The following PRPH variants were observed in gnomAD, a reference collection of about 807,000 sequenced individuals.
PRPH encodes peripherin.
In PRPH, 48 loss-of-function variants were observed where a neutral mutation model predicts 52.6. That is an observed-to-expected ratio of 0.91 (90% CI 0.72 to 1.16). The LOEUF (loss-of-function observed/expected upper bound fraction) is 1.16. PRPH is among the 50% of genes most tolerant of loss of function. The pLI, the probability that PRPH is intolerant of heterozygous loss-of-function variation, is 0.00. For synonymous variants in PRPH, 279 were observed against 283.8 expected (o/e 0.98, Z 0.17); for missense variants, 579 against 635.7 (o/e 0.91, Z 0.96).
In PRPH at chr12:49,297,116, C is replaced by A. The variant is rs1432587387; in HGVS notation, c.871-32C>A. 1 of 1,613,788 alleles carries A rather than the reference C, an allele frequency of 6.2e-7. No individual in the cohort carries two copies. The highest frequency in any genetic ancestry group is 1.3e-5 in the African/African-American group (1 of 74,904). ...CTGGGGTGGTGTCGCGCGTCCCAGC[C>A]GACTAAAGCCTGGGTTACCCCCACT... On this transcript the variant is annotated intron_variant, in intron 4 of 8. Transcript: ENST00000257860. The surrounding 1 kb of genome is among the most constrained non-coding windows in gnomAD (Gnocchi z 4.4).
At position 49,297,309 on chromosome 12, in the gene PRPH, G is replaced by T; in HGVS notation, c.996+36G>T. 2.5e-6 allele frequency: 4 copies of T among 1,613,748 alleles called. No individual in the cohort carries two copies. The highest frequency in any genetic ancestry group is 3.4e-6 in the Non-Finnish European group (4 of 1,179,976). ...AGCTGCGCGCTCGGGCCCGGGGAGCGGACGATGAAATGTTCTGCAACTGGC... is the reference window on the plus strand; with the variant it reads ...AGCTGCGCGCTCGGGCCCGGGGAGCTGACGATGAAATGTTCTGCAACTGGC... On this transcript the variant is annotated intron_variant, in intron 5 of 8. Coordinates refer to ENST00000257860, the MANE Select transcript of PRPH (RefSeq NM_006262.4). This position sits in a 1 kb window ranked among gnomAD's most constrained non-coding sequence, Gnocchi z 4.4.
chr12:49,296,770 T>G lies in PRPH; in HGVS notation c.703-119T>G. The G allele has an allele frequency of 1.4e-6, 2 of 1,435,402 alleles. No individual in the cohort carries two copies. The highest frequency in any genetic ancestry group is 1.9e-6 in the Non-Finnish European group (2 of 1,059,700). 88.9% of individuals were successfully genotyped at this position (1,435,402 alleles called of 1,614,324 possible). ...CGCGGGGGCGCAGGGCTGTACGCCC[T>G]GCCCTCCCTGGCGCCCACTTCTGTT... On this transcript the variant is annotated intron_variant, in intron 3 of 8. Transcript: ENST00000257860. This position sits in a 1 kb window ranked among gnomAD's most constrained non-coding sequence, Gnocchi z 5.1.
rs906212871 is a variant in PRPH at position 49,295,684 on chromosome 12, C to T, written c.484C>T (p.Arg162Cys). 3 of 1,533,404 alleles carry T rather than the reference C, an allele frequency of 2.0e-6. No individual in the cohort carries two copies. 95.0% of individuals were successfully genotyped at this position (1,533,404 alleles called of 1,614,324 possible). Residue 162 changes from arginine to cysteine, a missense_variant, in exon 1 of 9, where the codon CGT becomes TGT. Arg to Cys is a radical substitution (Grantham distance 180). Transcript: ENST00000257860. ...AGAGCTGGAGCTGTTGGGCCGCGAG[C>T]GTGACCGGGTGCAGGTGGAGCGCGA... ...RRELELLGRE[R>C]DRVQVERDGL...
chr12:49,296,052 C>A lies in PRPH; in HGVS notation c.546-126C>A. 1 of 1,325,196 alleles carries A rather than the reference C, an allele frequency of 7.5e-7. No individual in the cohort carries two copies. The highest frequency in any genetic ancestry group is 1.0e-6 in the Non-Finnish European group (1 of 954,804). 82.1% of individuals were successfully genotyped at this position (1,325,196 alleles called of 1,614,324 possible). Reference sequence around the variant, plus strand: ...ATGCGGGGCAATTCCATTAGACAGCCTCAGCCCTCCATTTAGAGTCCTGGG... The same window carrying A: ...ATGCGGGGCAATTCCATTAGACAGCATCAGCCCTCCATTTAGAGTCCTGGG... On this transcript the variant is annotated intron_variant, in intron 1 of 8. Coordinates refer to ENST00000257860, the MANE Select transcript of PRPH (RefSeq NM_006262.4). The surrounding 1 kb of genome is among the most constrained non-coding windows in gnomAD (Gnocchi z 5.1).
Position 49,297,966 on chromosome 12 carries a change from G to T in PRPH, c.1276G>T (p.Val426Leu), listed in dbSNP as rs1487220220. The change falls in exon 8 of 9, where the codon GTG (valine) becomes TTG (leucine). Residue 426 changes from valine (V) to leucine (L), a missense_variant. Val to Leu is a conservative substitution (Grantham distance 32, BLOSUM62 1). Transcript: ENST00000257860. This position sits in a 1 kb window ranked among gnomAD's most constrained non-coding sequence, Gnocchi z 4.4. ...TATCCTGCTTTCTTCAGTGCCTGAGGTGGAGCCTCCCCAGGACAGCCACAG... is the reference window on the plus strand; with the variant it reads ...TATCCTGCTTTCTTCAGTGCCTGAGTTGGAGCCTCCCCAGGACAGCCACAG... ...SLNIKTTVPE[V>L]EPPQDSHSRK... 1.2e-6 allele frequency: 2 copies of T among 1,614,066 alleles called. No individual in the cohort carries two copies. Among genetic ancestry groups the T allele is most frequent in the Non-Finnish European group, 1.7e-6 (2 of 1,180,044 alleles).
In PRPH at chr12:49,297,082, G is replaced by A. The variant is rs1279785133; in HGVS notation, c.870+26G>A. On this transcript the variant is annotated intron_variant, in intron 4 of 8. Coordinates refer to ENST00000257860, the MANE Select transcript of PRPH (RefSeq NM_006262.4). The surrounding 1 kb of genome is among the most constrained non-coding windows in gnomAD (Gnocchi z 4.4). Reference sequence around the variant, plus strand: ...GTGCAAGAGCCGGGAGGGCCTGCGAGGCGGGACGCTGGGGTGGTGTCGCGC... The same window carrying A: ...GTGCAAGAGCCGGGAGGGCCTGCGAAGCGGGACGCTGGGGTGGTGTCGCGC... 2 of 1,613,922 alleles carry A rather than the reference G, an allele frequency of 1.2e-6. No individual in the cohort carries two copies. Among genetic ancestry groups the A allele is most frequent in the African/African-American group, 1.3e-5 (1 of 75,036 alleles).
At position 49,296,906 on chromosome 12, in the gene PRPH, G is replaced by A; in HGVS notation, c.720G>A (p.Gln240=). ...KLHEEELRDL[Q]VSVESQQVQQ... ...GGCCGTAGGAGCTGCGAGACCTGCA[G>A]GTGAGTGTGGAGAGCCAGCAGGTGC... Residue 240 remains glutamine, a synonymous_variant, in exon 4 of 9, where the codon CAG becomes CAA. Transcript: ENST00000257860. The surrounding 1 kb of genome is among the most constrained non-coding windows in gnomAD (Gnocchi z 5.1). 3.1e-6 allele frequency: 5 copies of A among 1,612,560 alleles called. No homozygotes were observed. The highest frequency in any genetic ancestry group is 4.2e-6 in the Non-Finnish European group (5 of 1,179,658).
rs1943190905 is a variant in PRPH at position 49,297,008 on chromosome 12, C to T, written c.822C>T (p.Ser274=). 6.2e-7 allele frequency: 1 copy of T among 1,613,802 alleles called. No individual in the cohort carries two copies. Among genetic ancestry groups the T allele is most frequent in the African/African-American group, 1.3e-5 (1 of 74,920 alleles). The part of the protein sequence containing the change: ...ALRDIRAQYE[S]IAAKNLQEAE... ...GGGACATCCGCGCGCAGTACGAGAG[C>T]ATCGCCGCGAAGAACCTGCAGGAGG... is the stretch of plus-strand genomic sequence containing the variant. Residue 274 remains serine, a synonymous_variant, in exon 4 of 9, where the codon AGC becomes AGT. Transcript: ENST00000257860. This position sits in a 1 kb window ranked among gnomAD's most constrained non-coding sequence, Gnocchi z 4.4.
rs1445287866 is a variant in PRPH at position 49,295,749 on chromosome 12, A to C, written c.545+4A>C. The C allele has an allele frequency of 6.7e-7, 1 of 1,499,048 alleles. No homozygotes were observed. The highest frequency in any genetic ancestry group is 2.5e-5 in the East Asian group (1 of 40,354). The allele number at this position is 1,499,048 out of a possible 1,614,324, so 92.9% of individuals were successfully genotyped here. ...ACCTGGCGGCGCTCAAGCAGAGGTCAGGGGGCAGGGCTGGGCCGCTGCCGT... is the reference window on the plus strand; with the variant it reads ...ACCTGGCGGCGCTCAAGCAGAGGTCCGGGGGCAGGGCTGGGCCGCTGCCGT... On this transcript the variant is annotated splice_donor_region_variant and intron_variant, in intron 1 of 8. Coordinates refer to ENST00000257860, the MANE Select transcript of PRPH (RefSeq NM_006262.4).
Position 49,295,983 on chromosome 12 carries a change from G to A in PRPH, c.546-195G>A, listed in dbSNP as rs929063915. The A allele has an allele frequency of 3.6e-6, 5 of 1,405,834 alleles. No homozygotes were observed. In the Admixed American group the frequency reaches 6.6e-5, roughly 18 times the overall value. 87.1% of individuals were successfully genotyped at this position (1,405,834 alleles called of 1,614,324 possible). On this transcript the variant is annotated intron_variant, in intron 1 of 8. Transcript: ENST00000257860. Reference sequence around the variant, plus strand: ...AAGTGGGTATCTGTGCCTCCCCTGAGTAATGAGGAAACCCCCTTTTCAGCT... The same window carrying A: ...AAGTGGGTATCTGTGCCTCCCCTGAATAATGAGGAAACCCCCTTTTCAGCT...
rs1183246269 is a variant in PRPH at position 49,296,128 on chromosome 12, G to A, written c.546-50G>A. On this transcript the variant is annotated intron_variant, in intron 1 of 8. Coordinates refer to ENST00000257860, the MANE Select transcript of PRPH (RefSeq NM_006262.4). The surrounding 1 kb of genome is among the most constrained non-coding windows in gnomAD (Gnocchi z 5.1). ...CTGGGGGGCGTGCGGTCTGGGGTGCGAGCTGGGCGGCGACCCCGCAGTTCA... is the reference window on the plus strand; with the variant it reads ...CTGGGGGGCGTGCGGTCTGGGGTGCAAGCTGGGCGGCGACCCCGCAGTTCA... The A allele has an allele frequency of 6.3e-7, 1 of 1,584,278 alleles. No homozygotes were observed. Among genetic ancestry groups the A allele is most frequent in the Non-Finnish European group, 8.6e-7 (1 of 1,164,080 alleles).
Position 49,297,582 on chromosome 12 carries a change from G to A in PRPH, c.1217+5G>A. Reference sequence around the variant, plus strand: ...GCTGGAGGGCGAGGAGAGCCGGTGAGGGTGGAGCTGCTGGGGCGGGGCAGG... The same window carrying A: ...GCTGGAGGGCGAGGAGAGCCGGTGAAGGTGGAGCTGCTGGGGCGGGGCAGG... On this transcript the variant is annotated splice_donor_5th_base_variant and intron_variant, in intron 6 of 8. Transcript: ENST00000257860. The surrounding 1 kb of genome is among the most constrained non-coding windows in gnomAD (Gnocchi z 4.4). 1 of 1,611,560 alleles carries A rather than the reference G, an allele frequency of 6.2e-7. No individual in the cohort carries two copies. The highest frequency in any genetic ancestry group is 8.5e-7 in the Non-Finnish European group (1 of 1,179,830).
Position 49,297,167 on chromosome 12 carries a change from C to G in PRPH, c.890C>G (p.Ala297Gly), listed in dbSNP as rs1565658961. 1.2e-6 allele frequency: 2 copies of G among 1,614,050 alleles called. No individual in the cohort carries two copies. Among genetic ancestry groups the G allele is most frequent in the South Asian group, 2.2e-5 (2 of 91,078 alleles). ...YKSKYADLSD[A>G]ANRNHEALRQ... The stretch of plus-strand genomic sequence containing the variant: ...TCTCAGTACGCGGACCTGTCCGACG[C>G]TGCCAACCGGAACCACGAGGCCCTG... Residue 297 changes from alanine to glycine, a missense_variant, in exon 5 of 9, where the codon GCT (alanine) becomes GGT (glycine). Physicochemically the swap from Ala to Gly is moderately conservative, Grantham distance 60. Transcript: ENST00000257860. The surrounding 1 kb of genome is among the most constrained non-coding windows in gnomAD (Gnocchi z 4.4).
chr12:49,296,875 G>T lies in PRPH; in HGVS notation c.703-14G>T. ...TTGCGCCGCTGTCCATCCTCTGCCT[G>T]CTCCCGGCCGTAGGAGCTGCGAGAC... On this transcript the variant is annotated splice_polypyrimidine_tract_variant and intron_variant, in intron 3 of 8. Transcript: ENST00000257860. The surrounding 1 kb of genome is among the most constrained non-coding windows in gnomAD (Gnocchi z 5.1). 3 of 1,604,342 alleles carry T rather than the reference G, an allele frequency of 1.9e-6. No homozygotes were observed. Among genetic ancestry groups the T allele is most frequent in the Non-Finnish European group, 2.6e-6 (3 of 1,175,848 alleles).
chr12:49,295,654 C>T lies in PRPH; in HGVS notation c.454C>T (p.Arg152Trp), dbSNP rs766884197. ...QLCQQELREL[R>W]RELELLGRER... ...GTGCCAGCAGGAGCTGCGCGAGCTG[C>T]GGCGAGAGCTGGAGCTGTTGGGCCG... Residue 152 changes from arginine to tryptophan, a missense_variant, in exon 1 of 9, where the codon CGG (arginine) becomes TGG (tryptophan). Physicochemically the swap from Arg to Trp is moderately radical, Grantham distance 101 (BLOSUM62 -3). Coordinates refer to ENST00000257860, the MANE Select transcript of PRPH (RefSeq NM_006262.4). The T allele has an allele frequency of 2.6e-6, 4 of 1,538,636 alleles. No individual in the cohort carries two copies. In the South Asian group the frequency reaches 4.8e-5, roughly 18 times the overall value.
chr12:49,296,092 C>T lies in PRPH; in HGVS notation c.546-86C>T. 6.8e-7 allele frequency: 1 copy of T among 1,462,784 alleles called. No homozygotes were observed. Among genetic ancestry groups the T allele is most frequent in the Non-Finnish European group, 9.4e-7 (1 of 1,069,156 alleles). 90.6% of individuals were successfully genotyped at this position (1,462,784 alleles called of 1,614,324 possible). Reference sequence around the variant, plus strand: ...AGAGTCCTGGGCAGCAGAACAGCCTCTAACCGGATCCTGGGGGGCGTGCGG... The same window carrying T: ...AGAGTCCTGGGCAGCAGAACAGCCTTTAACCGGATCCTGGGGGGCGTGCGG... On this transcript the variant is annotated intron_variant, in intron 1 of 8. Coordinates refer to ENST00000257860, the MANE Select transcript of PRPH (RefSeq NM_006262.4). The surrounding 1 kb of genome is among the most constrained non-coding windows in gnomAD (Gnocchi z 5.1).
Position 49,297,668 on chromosome 12 carries a change from C to T in PRPH, c.1218-9C>T, listed in dbSNP as rs1246182554. On this transcript the variant is annotated splice_polypyrimidine_tract_variant and intron_variant, in intron 6 of 8. Transcript: ENST00000257860. The surrounding 1 kb of genome is among the most constrained non-coding windows in gnomAD (Gnocchi z 4.4). The stretch of plus-strand genomic sequence containing the variant: ...GGGCAGGGGCGCTGACAACTTGCTT[C>T]GCCTCTAGGATCTCCGTGCCCGTCC... 2 of 1,613,534 alleles carry T rather than the reference C, an allele frequency of 1.2e-6. No individual in the cohort carries two copies. The highest frequency in any genetic ancestry group is 3.3e-5 in the Admixed American group (2 of 60,022).
Position 49,296,678 on chromosome 12 carries a change from A to T in PRPH, c.702+151A>T. ...CTAGTCTACAGGTGGTTAGACTCCCACCCTTGCGCCACCTGGCGGCGGGCA... is the reference window on the plus strand; with the variant it reads ...CTAGTCTACAGGTGGTTAGACTCCCTCCCTTGCGCCACCTGGCGGCGGGCA... On this transcript the variant is annotated intron_variant, in intron 3 of 8. Transcript: ENST00000257860. This position sits in a 1 kb window ranked among gnomAD's most constrained non-coding sequence, Gnocchi z 5.1. 9.1e-7 allele frequency: 1 copy of T among 1,101,194 alleles called. No individual in the cohort carries two copies. Among genetic ancestry groups the T allele is most frequent in the Middle Eastern group, 2.8e-4 (1 of 3,612 alleles). The allele number at this position is 1,101,194 out of a possible 1,614,324, so 68.2% of individuals were successfully genotyped here.
chr12:49,297,353 C>T lies in PRPH; in HGVS notation c.997-4C>T. ...AACTGGCCCCTTCCACTCTCCTACC[C>T]CAGAACGAGGCGCTGCTCAGGCAGT... is the stretch of plus-strand genomic sequence containing the variant. On this transcript the variant is annotated splice_polypyrimidine_tract_variant and splice_region_variant and intron_variant, in intron 5 of 8. Transcript: ENST00000257860. The surrounding 1 kb of genome is among the most constrained non-coding windows in gnomAD (Gnocchi z 4.4). 6.2e-7 allele frequency: 1 copy of T among 1,613,710 alleles called. No homozygotes were observed. Among genetic ancestry groups the T allele is most frequent in the African/African-American group, 1.3e-5 (1 of 75,052 alleles).
Sources: gnomAD v4.1 joint callset for allele counts on GRCh38, gnomAD v4.1.1 for gene constraint, Gnocchi (gnomAD v3.1) non-coding constraint, MANE v1.5 for transcripts, NCBI Gene and HGNC (gene_info 2026-07-23, HGNC 2026-07-21) for gene names.